The following RYR3 variants were observed in gnomAD, a reference collection of about 807,000 sequenced individuals.
RYR3 encodes the protein brain ryanodine receptor-calcium release channel.
A neutral mutation model predicts 584.3 loss-of-function variants in RYR3; 207 were observed. That is an observed-to-expected ratio of 0.35 (90% CI 0.32 to 0.40). The LOEUF (loss-of-function observed/expected upper bound fraction) is 0.40, where lower values mean the gene tolerates loss of function less well. Ranked by LOEUF, RYR3 falls within the 10% of genes least tolerant of loss-of-function variation. The pLI, the probability that RYR3 is intolerant of heterozygous loss-of-function variation, is 1.00. For missense variants in RYR3, 5,616 were observed against 6,089.2 expected, an observed-to-expected ratio of 0.92 and a Z score of 2.59; for synonymous variants, 2,416 against 2,248.5, an observed-to-expected ratio of 1.07 and a Z score of -2.11.
At chr15:33,684,772 C>T (rs1337143823) in intron 38 of RYR3, among the ~76,000 whole-genome samples, 1 of 152,216 alleles carries the variant, frequency 6.6e-6, no homozygotes, top group Non-Finnish European at 1.5e-5. Context: ...ACCCTGCAAG[C>T]CAGAAGAGGG....
intron 1 of RYR3, among the ~76,000 whole-genome samples, chr15:33,424,466 G>A (rs2044459144): frequency 6.6e-6 from 1 of 152,178 alleles, no homozygotes; most frequent in Non-Finnish European, 1.5e-5. Flanking sequence ...CAAACTGTTT[G>A]GTACTTTGTA....
chr15:33,379,188 T>C (rs573957359), intron 1 of RYR3, among the ~76,000 whole-genome samples: 33 of 152,334 alleles, frequency 2.2e-4, no homozygotes, highest in Non-Finnish European at 2.4e-4. Flanking sequence ...GGCTACTGGT[T>C]TGTAATCACA....
intron 38 of RYR3, among the ~76,000 whole-genome samples, chr15:33,691,546 A>G (rs2065433754): frequency 6.6e-6 from 1 of 152,068 alleles, no homozygotes; most frequent in Non-Finnish European, 1.5e-5. Context: ...CATTTGTTCA[A>G]GTTAACCATA....
chr15:33,826,856 C>T, intron 84 of RYR3, 104 bp downstream of exon 84: 3 of 795,292 alleles, frequency 3.8e-6, no homozygotes, highest in Admixed American at 2.3e-5. Flanking sequence ...AACTCAAGGA[C>T]ATCAGTTAAT....
intron 38 of RYR3, among the ~76,000 whole-genome samples, chr15:33,683,095 T>C (rs2064746100): frequency 1.3e-5 from 2 of 151,902 alleles, no homozygotes; most frequent in East Asian, 1.9e-4. Context: ...CCCGGGTTCA[T>C]GCCATTCTCC....
At chr15:33,723,638 G>T (rs186992421) in intron 44 of RYR3, among the ~76,000 whole-genome samples, 2 of 152,104 alleles carry the variant, frequency 1.3e-5, no homozygotes, top group Admixed American at 1.3e-4. Context: ...ATACGCTTTC[G>T]CCACTTCCTC....
intron 10 of RYR3, among the ~76,000 whole-genome samples, chr15:33,552,010 A>G (rs1033032694): frequency 6.6e-6 from 1 of 152,222 alleles, no homozygotes; most frequent in African/African-American, 2.4e-5. Context: ...TTTCCTAAGA[A>G]TGCCAGTTTG....
chr15:33,342,611 TG>T (rs147923862), intron 1 of RYR3, among the ~76,000 whole-genome samples: 10,312 of 86,832 alleles, frequency 0.12, 532 homozygotes, highest in East Asian at 0.28. Flanking sequence ...TAATCAATCT[TG>T]TTTGTTATAA....
chr15:33,556,698 T>C (rs964745298), intron 10 of RYR3, among the ~76,000 whole-genome samples: 1 of 152,184 alleles, frequency 6.6e-6, no homozygotes, highest in South Asian at 2.1e-4. Context: ...CTCTCATCTC[T>C]TTCTGGATTC....
In RYR3 at chr15:33,398,607, G is replaced by A. The variant is rs554932276; in HGVS notation, c.52-74812G>A. Among the ~76,000 whole-genome samples, 5 of 152,334 alleles carry A rather than the reference G, an allele frequency of 3.3e-5. No individual in the cohort carries two copies. The South Asian group carries it at 8.3e-4, about 25-fold the overall frequency. ...TTCTCCACGCATGGGATTTCAGGGA[G>A]TTTTGTTTTGGAGAGGAATTTTTCC... On this transcript the variant is annotated intron_variant, in intron 1 of 103. Transcript: ENST00000634891.
intron 11 of RYR3, among the ~76,000 whole-genome samples, 185 bp downstream of exon 11, chr15:33,563,195 C>G (rs1220214291): frequency 6.6e-6 from 1 of 152,118 alleles, no homozygotes; most frequent in East Asian, 1.9e-4. Context: ...TACTTTGACC[C>G]CATGTTCAAT....
At chr15:33,563,674 A>C (rs1354228993) in intron 11 of RYR3, among the ~76,000 whole-genome samples, 1 of 152,192 alleles carries the variant, frequency 6.6e-6, no homozygotes, top group Non-Finnish European at 1.5e-5. Flanking sequence ...TAAATAGTCA[A>C]CTAGTCCCAG....
At chr15:33,608,435 A>G (rs1404571472) in intron 18 of RYR3, among the ~76,000 whole-genome samples, 1 of 152,252 alleles carries the variant, frequency 6.6e-6, no homozygotes, top group Non-Finnish European at 1.5e-5. Context: ...GGAGATTTAT[A>G]ACACACACTA....
At chr15:33,710,874 G>A (rs1372306694) in intron 43 of RYR3, among the ~76,000 whole-genome samples, 1 of 152,234 alleles carries the variant, frequency 6.6e-6, no homozygotes, top group African/African-American at 2.4e-5. Context: ...GCAATATCAT[G>A]AGGCTGCCCT....
intron 102 of RYR3, among the ~76,000 whole-genome samples, chr15:33,861,936 TCCCAGTACCTAGAACAATGCCTGGCA>T (rs1277145606): frequency 3.3e-5 from 5 of 152,160 alleles, no homozygotes; most frequent in Middle Eastern, 6.8e-3. Context: ...TACTGCTTTA[TCCCAGTACCTAGAACAATGCCTGGCA>T]CCCAGTAGGC....
intron 72 of RYR3, among the ~76,000 whole-genome samples, chr15:33,811,553 ATGTTTGTT>A (rs57062262): frequency 9.8e-4 from 147 of 150,364 alleles, no homozygotes; most frequent in African/African-American, 3.4e-3. Context: ...CCCTTAATGT[ATGTTTGTT>A]TGTTTGTTTG....
intron 1 of RYR3, among the ~76,000 whole-genome samples, chr15:33,350,225 A>T (rs918535473): frequency 2.0e-5 from 3 of 152,136 alleles, no homozygotes; most frequent in African/African-American, 7.2e-5. Context: ...CTAAATATAT[A>T]TGCACCCAAT....
At chr15:33,525,496 G>A (rs1287063763) in intron 3 of RYR3, among the ~76,000 whole-genome samples, 3 of 152,176 alleles carry the variant, frequency 2.0e-5, no homozygotes, top group Non-Finnish European at 4.4e-5. Flanking sequence ...AAATTTAGGG[G>A]AATAAGCAGT....
intron 48 of RYR3, among the ~76,000 whole-genome samples, chr15:33,735,359 T>C (rs999643170): frequency 6.6e-6 from 1 of 152,220 alleles, no homozygotes; most frequent in Non-Finnish European, 1.5e-5. Flanking sequence ...CAGACGACTT[T>C]TGTTCTCCAT....
Sources: gnomAD v4.1 joint callset for allele counts (sites outside exome capture counted in the v4.1 genomes callset) on GRCh38, gnomAD v4.1.1 for gene constraint, MANE v1.5 for transcripts, NCBI Gene and HGNC (gene_info 2026-07-23, HGNC 2026-07-21) for gene names.